The following JPT2 variants were observed in gnomAD, a reference collection of about 807,000 sequenced individuals.
JPT2 encodes Jupiter microtubule associated homolog 2.
In JPT2, 9 loss-of-function variants were observed where a neutral mutation model predicts 15.9. The observed-to-expected ratio is 0.57, with a 90% confidence interval of 0.34 to 0.99. The LOEUF (loss-of-function observed/expected upper bound fraction) is 0.99. JPT2 is among the 50% of genes least tolerant of loss of function. The probability of loss-of-function intolerance (pLI) is 0.02; values close to 1 mark genes in which losing one functional copy is unlikely to be tolerated. For missense variants in JPT2, 267 were observed against 252.1 expected (o/e 1.06, Z -0.40); for synonymous variants, 95 against 91.7 (o/e 1.04, Z -0.21).
At chr16:1,691,619 T>A (rs1323812070) in intron 2 of JPT2, among the ~76,000 whole-genome samples, 1 of 152,114 alleles carries the variant, frequency 6.6e-6, no homozygotes, top group Admixed American at 6.5e-5. Flanking sequence ...TCAGCTCAGT[T>A]CTAGACATAA....
chr16:1,695,735 G>A (rs573728017), intron 3 of JPT2, among the ~76,000 whole-genome samples: 1 of 151,964 alleles, frequency 6.6e-6, no homozygotes, highest in South Asian at 2.1e-4. Context: ...CCCGGGCATG[G>A]TGGTGCACAC....
chr16:1,692,165 G>A, intron 3 of JPT2, 180 bp downstream of exon 3: 1 of 782,600 alleles, frequency 1.3e-6, no homozygotes, highest in South Asian at 1.8e-5. Flanking sequence ...CCAGGAAACA[G>A]TCCAGCCTTG....
intron 3 of JPT2, among the ~76,000 whole-genome samples, chr16:1,693,092 TTTTCGTTTTA>T (rs2037115452): frequency 6.6e-6 from 1 of 152,144 alleles, no homozygotes; most frequent in African/African-American, 2.4e-5. Flanking sequence ...TGGTCGTGTT[TTTTCGTTTTA>T]TTTTGTTTTT....
rs1567473612 is a variant in JPT2 at position 1,701,768 on chromosome 16, G to A, written c.*2770G>A. On this transcript the variant is annotated 3_prime_UTR_variant, in exon 5 of 5. Transcript: ENST00000248098. ...GTCAAGAAAACAGGTGGGCATGGTG[G>A]CTCAGGTCTGTAGTCTTTGGGTCTT... The A allele has an allele frequency of 5.8e-6, 1 of 171,530 alleles. No homozygotes were observed. The highest frequency in any genetic ancestry group is 1.3e-5 in the Non-Finnish European group (1 of 78,578). 10.6% of individuals were successfully genotyped at this position (171,530 alleles called of 1,614,324 possible). A position where few individuals can be genotyped will look rare whatever the true frequency, so the allele number is the denominator to read the frequency against.
rs2037105915 is a variant in JPT2 at position 1,691,877 on chromosome 16, C to T, written c.228C>T (p.Thr76=). ...GAAGTGGTATCTTTGACGAATCAAC[C>T]CCCGTGCAGACTCGACAGCACCTGA... ...GKGSGIFDES[T]PVQTRQHLNP... Residue 76 remains threonine, a synonymous_variant, in exon 3 of 5, where the codon ACC becomes ACT. Coordinates refer to ENST00000248098, the MANE Select transcript of JPT2 (RefSeq NM_144570.3). 2 of 1,614,046 alleles carry T rather than the reference C, an allele frequency of 1.2e-6. No homozygotes were observed. The highest frequency in any genetic ancestry group is 2.2e-5 in the East Asian group (1 of 44,874).
intron 2 of JPT2, 70 bp downstream of exon 2, chr16:1,685,657 T>A: frequency 6.7e-7 from 1 of 1,493,030 alleles, no homozygotes; most frequent in Non-Finnish European, 9.1e-7. Context: ...TTCTGTTTCT[T>A]TATACTGATC....
chr16:1,683,378 T>C (rs998765891), intron 1 of JPT2: 5 of 640,486 alleles, frequency 7.8e-6, no homozygotes, highest in Admixed American at 5.3e-5. Flanking sequence ...CCCAAGGTGC[T>C]GGGATTACAG....
intron 3 of JPT2, among the ~76,000 whole-genome samples, chr16:1,692,699 G>GCCAC (rs2037112500): frequency 6.6e-6 from 1 of 152,200 alleles, no homozygotes. Context: ...GTTTACTGCA[G>GCCAC]CCACCGTTCA....
At chr16:1,694,702 T>TC (rs2037128536) in intron 3 of JPT2, among the ~76,000 whole-genome samples, 1 of 152,066 alleles carries the variant, frequency 6.6e-6, no homozygotes, top group African/African-American at 2.4e-5. Flanking sequence ...TTTTTTTTTT[T>TC]CACAAGGGTG....
chr16:1,693,321 T>G (rs2037117432), intron 3 of JPT2, among the ~76,000 whole-genome samples: 2 of 152,188 alleles, frequency 1.3e-5, no homozygotes, highest in Non-Finnish European at 2.9e-5. Flanking sequence ...GGTCTTGAAC[T>G]CCTGTCCTCC....
Position 1,698,721 on chromosome 16 carries a change from C to A in JPT2, c.386-90C>A. On this transcript the variant is annotated intron_variant, in intron 4 of 4. Coordinates refer to ENST00000248098, the MANE Select transcript of JPT2 (RefSeq NM_144570.3). This position sits in a 1 kb window ranked among gnomAD's most constrained non-coding sequence, Gnocchi z 4.9. ...TACAGCATGAATTTCTTGCAGGTTG[C>A]TCTATGACACACTTTTTATTTCCAC... 1 of 1,315,190 alleles carries A rather than the reference C, an allele frequency of 7.6e-7. No individual in the cohort carries two copies. The highest frequency in any genetic ancestry group is 1.0e-6 in the Non-Finnish European group (1 of 967,228). The allele number at this position is 1,315,190 out of a possible 1,614,324, so 81.5% of individuals were successfully genotyped here.
chr16:1,681,799 A>G (rs2037025037), intron 1 of JPT2, among the ~76,000 whole-genome samples: 1 of 152,192 alleles, frequency 6.6e-6, no homozygotes, highest in Non-Finnish European at 1.5e-5. Flanking sequence ...GAGACAGGAG[A>G]CTGTGAATGT....
intron 1 of JPT2, among the ~76,000 whole-genome samples, chr16:1,679,928 G>A (rs2037008455): frequency 6.6e-6 from 1 of 152,112 alleles, no homozygotes; most frequent in South Asian, 2.1e-4. Context: ...GTGGGGTGGC[G>A]GGTGCCTGTA....
chr16:1,693,521 G>A (rs1323883546), intron 3 of JPT2, among the ~76,000 whole-genome samples: 1 of 152,166 alleles, frequency 6.6e-6, no homozygotes, highest in Non-Finnish European at 1.5e-5. Flanking sequence ...ACTACGTAAA[G>A]CACTCGAATT....
chr16:1,680,339 A>C (rs2037012593), intron 1 of JPT2: 4 of 1,000,808 alleles, frequency 4.0e-6, no homozygotes, highest in Non-Finnish European at 2.4e-6. Context: ...ATGTTTTTAT[A>C]TTGACTTTCA....
rs760943801 is a variant in JPT2, at chr16:1,698,968, G to A, written c.543G>A (p.Pro181=). Residue 181 remains proline (P), a synonymous_variant, in exon 5 of 5, where the codon CCG becomes CCA. Coordinates refer to ENST00000248098, the MANE Select transcript of JPT2 (RefSeq NM_144570.3). The surrounding 1 kb of genome is among the most constrained non-coding windows in gnomAD (Gnocchi z 4.9). ...PRSHNKVLNP[P]GGKSSISFY is the part of the protein sequence containing the mutation. Reference sequence around the variant, plus strand: ...CTCACAACAAGGTCCTGAACCCACCGGGAGGCAAATCCAGCATCTCCTTCT... The same window carrying A: ...CTCACAACAAGGTCCTGAACCCACCAGGAGGCAAATCCAGCATCTCCTTCT... The A allele has an allele frequency of 8.7e-6, 14 of 1,613,272 alleles. No homozygotes were observed. Among genetic ancestry groups the A allele is most frequent in the African/African-American group, 4.0e-5 (3 of 74,890 alleles).
At chr16:1,684,140 A>G (rs2037046258) in intron 1 of JPT2, among the ~76,000 whole-genome samples, 1 of 152,186 alleles carries the variant, frequency 6.6e-6, no homozygotes, top group African/African-American at 2.4e-5. Flanking sequence ...CCATCCTTTT[A>G]TTTCTGACAT....
Position 1,691,825 on chromosome 16 carries a change from C to A in JPT2, c.194-18C>A. 6.2e-7 allele frequency: 1 copy of A among 1,609,976 alleles called. No homozygotes were observed. The highest frequency in any genetic ancestry group is 1.1e-5 in the South Asian group (1 of 90,662). On this transcript the variant is annotated intron_variant, in intron 2 of 4. Transcript: ENST00000248098. ...GGTGGACGTCTGGTTGCTCAGTGTT[C>A]TGTGATCGTTTCTGCAGGGGGTAAA...
chr16:1,682,020 A>G (rs1253699886), intron 1 of JPT2, among the ~76,000 whole-genome samples: 1 of 152,240 alleles, frequency 6.6e-6, no homozygotes, highest in Non-Finnish European at 1.5e-5. Flanking sequence ...TTCATCCCTT[A>G]TTTCCAAAGA....
Sources: gnomAD v4.1 joint callset for allele counts (sites outside exome capture counted in the v4.1 genomes callset) on GRCh38, gnomAD v4.1.1 for gene constraint, Gnocchi (gnomAD v3.1) non-coding constraint, MANE v1.5 for transcripts, NCBI Gene and HGNC (gene_info 2026-07-23, HGNC 2026-07-21) for gene names.